Variants in DNAH14 observed in about 807,000 individuals in gnomAD.
DNAH14 encodes the protein axonemal beta dynein heavy chain 14.
DNAH14 carries 478 observed loss-of-function variants against 520.9 expected under a neutral mutation model. That is an observed-to-expected ratio of 0.92 (90% CI 0.85 to 0.99). The LOEUF is 0.99. Ranked by LOEUF, DNAH14 falls within the 50% of genes least tolerant of loss-of-function variation. DNAH14 has a pLI of 0.00. For missense variants in DNAH14, 4,831 were observed against 5,234.5 expected, an observed-to-expected ratio of 0.92 and a Z score of 2.38; for synonymous variants, 1,581 against 1,757.2, an observed-to-expected ratio of 0.90 and a Z score of 2.51.
chr1:225,130,131 A>G lies in DNAH14; in HGVS notation c.4254+6517A>G, dbSNP rs967732486. Among the ~76,000 whole-genome samples, 10 of 152,210 alleles carry G rather than the reference A, an allele frequency of 6.6e-5. No homozygotes were observed. The South Asian group carries it at 8.3e-4, about 13-fold the overall frequency. On this transcript the variant is annotated intron_variant, in intron 27 of 85. Transcript: ENST00000682510. ...AAACCACAATGAGATACCATCTCAC[A>G]CCAGTTAGAATGGCAATCATTAAAA... is the stretch of plus-strand genomic sequence containing the variant.
intron 27 of DNAH14, among the ~76,000 whole-genome samples, chr1:225,138,160 G>T (rs924782770): frequency 6.6e-6 from 1 of 152,078 alleles, no homozygotes; most frequent in Non-Finnish European, 1.5e-5. Context: ...CCAAGGACCT[G>T]CCCAGTGAGA....
At chr1:225,318,713 T>C (rs1426185228) in intron 61 of DNAH14, 36 bp downstream of exon 61, 4 of 1,517,352 alleles carry the variant, frequency 2.6e-6, no homozygotes, top group Middle Eastern at 1.7e-4. Flanking sequence ...TTGGAAAAGC[T>C]CAGAAAAAAA....
intron 8 of DNAH14, among the ~76,000 whole-genome samples, chr1:224,992,542 C>T (rs374884982): frequency 2.6e-4 from 40 of 152,150 alleles, no homozygotes; most frequent in African/African-American, 8.9e-4. Flanking sequence ...TATAGAAGCA[C>T]TACTGATTTT....
chr1:225,122,834 A>G (rs893199900), intron 26 of DNAH14, among the ~76,000 whole-genome samples: 2 of 152,190 alleles, frequency 1.3e-5, no homozygotes, highest in Admixed American at 6.5e-5. Context: ...TAAAAGGTTC[A>G]GTACTTCATT....
intron 27 of DNAH14, among the ~76,000 whole-genome samples, chr1:225,132,193 G>GT (rs539410121): frequency 0.085 from 12,658 of 148,904 alleles, 716 homozygotes; most frequent in East Asian, 0.25. Flanking sequence ...TCAAGTTGTT[G>GT]TTTTTTTTTT....
chr1:225,076,862 G>T (rs1376374220), intron 17 of DNAH14, among the ~76,000 whole-genome samples: 2 of 151,832 alleles, frequency 1.3e-5, no homozygotes, highest in African/African-American at 4.8e-5. Flanking sequence ...TGATACATAG[G>T]TATAAATGTT....
intron 8 of DNAH14, among the ~76,000 whole-genome samples, chr1:224,997,189 C>T (rs74149429): frequency 0.043 from 6,533 of 152,014 alleles, 412 homozygotes; most frequent in African/African-American, 0.14. Context: ...CTCTACCTGA[C>T]CCTAGGTGGT....
chr1:225,229,160 A>T (rs1284394520), intron 41 of DNAH14, among the ~76,000 whole-genome samples: 1 of 152,204 alleles, frequency 6.6e-6, no homozygotes, highest in Non-Finnish European at 1.5e-5. Context: ...CTGGACTCTC[A>T]TCTGCAGTGC....
intron 81 of DNAH14, among the ~76,000 whole-genome samples, chr1:225,384,287 A>G (rs1308942201): frequency 1.3e-5 from 2 of 152,174 alleles, no homozygotes; most frequent in African/African-American, 4.8e-5. Context: ...AGTCCTGGAT[A>G]TCCTTGTTAA....
At chr1:225,256,461 T>C (rs2092739401) in intron 44 of DNAH14, among the ~76,000 whole-genome samples, 1 of 151,872 alleles carries the variant, frequency 6.6e-6, no homozygotes, top group African/African-American at 2.4e-5. Flanking sequence ...TAAAATAAAA[T>C]GGCAAAAGCA....
intron 43 of DNAH14, among the ~76,000 whole-genome samples, chr1:225,242,705 A>G (rs989981561): frequency 6.6e-6 from 1 of 152,254 alleles, no homozygotes; most frequent in Non-Finnish European, 1.5e-5. Context: ...GTAAATACAT[A>G]AACCAGTAAC....
chr1:225,067,864 T>C (rs2071082250), intron 17 of DNAH14, among the ~76,000 whole-genome samples: 1 of 152,202 alleles, frequency 6.6e-6, no homozygotes, highest in Non-Finnish European at 1.5e-5. Context: ...CTCTGTTAGA[T>C]GACTAGTTTG....
intron 71 of DNAH14, 72 bp downstream of exon 71, chr1:225,346,726 C>T (rs2095291768): frequency 3.5e-6 from 4 of 1,144,686 alleles, no homozygotes; most frequent in Middle Eastern, 3.0e-4. Flanking sequence ...TAAGGTGCTC[C>T]AAGTCAATGC....
At chr1:224,951,175 A>G (rs950503150) in intron 1 of DNAH14, among the ~76,000 whole-genome samples, 1 of 151,958 alleles carries the variant, frequency 6.6e-6, no homozygotes, top group African/African-American at 2.4e-5. Context: ...ACAGGCATGC[A>G]CCACCACTCC....
chr1:225,249,830 A>C (rs975501263), intron 43 of DNAH14, among the ~76,000 whole-genome samples: 5 of 152,328 alleles, frequency 3.3e-5, no homozygotes, highest in Non-Finnish European at 5.9e-5. Flanking sequence ...TAAGAAATCA[A>C]CTACCATATA....
intron 76 of DNAH14, among the ~76,000 whole-genome samples, chr1:225,365,358 A>G (rs918258753): frequency 6.6e-6 from 1 of 152,218 alleles, no homozygotes; most frequent in African/African-American, 2.4e-5. Context: ...AGTCAATTCT[A>G]TTAGACCAGG....
intron 57 of DNAH14, 36 bp downstream of exon 57, chr1:225,303,383 T>C: frequency 6.6e-7 from 1 of 1,520,374 alleles, no homozygotes; most frequent in African/African-American, 1.4e-5. Flanking sequence ...TTCAGTTTAT[T>C]GACAGCATCT....
At chr1:225,072,205 A>G (rs771150417) in intron 17 of DNAH14, among the ~76,000 whole-genome samples, 89 of 152,200 alleles carry the variant, frequency 5.8e-4, no homozygotes, top group Non-Finnish European at 9.4e-4. Flanking sequence ...GTCTCTTTAC[A>G]TAATCCCATA....
At chr1:224,953,467 A>G (rs1337973340) in intron 2 of DNAH14, among the ~76,000 whole-genome samples, 1 of 152,230 alleles carries the variant, frequency 6.6e-6, no homozygotes, top group Non-Finnish European at 1.5e-5. Context: ...AACAAAATTT[A>G]TATAGAAGAG....
Sources: gnomAD v4.1 joint callset for allele counts (sites outside exome capture counted in the v4.1 genomes callset) on GRCh38, gnomAD v4.1.1 for gene constraint, MANE v1.5 for transcripts, NCBI Gene and HGNC (gene_info 2026-07-23, HGNC 2026-07-21) for gene names.